Variants in RGS13 observed in about 807,000 individuals in gnomAD.
RGS13 encodes regulator of G-protein signalling 13.
Under a neutral mutation model 19.9 loss-of-function variants are expected in RGS13, and 14 were observed. That is an observed-to-expected ratio of 0.70 (90% CI 0.46 to 1.10). The LOEUF is 1.10. RGS13 is among the 50% of genes least tolerant of loss of function. RGS13 has a pLI of 0.00. For synonymous variants in RGS13, 60 were observed against 56.8 expected, an observed-to-expected ratio of 1.06 and a Z score of -0.25; for missense variants, 205 against 187.1, an observed-to-expected ratio of 1.10 and a Z score of -0.56.
intron 5 of RGS13, among the ~76,000 whole-genome samples, chr1:192,651,846 A>G (rs1301188248): frequency 6.6e-6 from 1 of 152,072 alleles, no homozygotes; most frequent in Non-Finnish European, 1.5e-5. Context: ...TTTTAACATA[A>G]CAACGGAGGA....
chr1:192,651,026 G>A (rs1048728458), intron 5 of RGS13, among the ~76,000 whole-genome samples: 12 of 152,034 alleles, frequency 7.9e-5, no homozygotes, highest in African/African-American at 2.9e-4. Flanking sequence ...TGAGACCACT[G>A]AGAGGGAGAG....
At chr1:192,650,120 T>C (rs6428129) in intron 5 of RGS13, among the ~76,000 whole-genome samples, 1 of 151,912 alleles carries the variant, frequency 6.6e-6, no homozygotes, top group Admixed American at 6.6e-5. Flanking sequence ...GAAGCCTTAT[T>C]AAAAAAATGA....
At chr1:192,655,519 C>T (rs1048633552) in intron 5 of RGS13, among the ~76,000 whole-genome samples, 13 of 152,038 alleles carry the variant, frequency 8.6e-5, no homozygotes, top group Non-Finnish European at 1.6e-4. Flanking sequence ...GGAAATAGAA[C>T]CACATGATAG....
chr1:192,658,659 G>A (rs896760835), intron 6 of RGS13: 2 of 268,148 alleles, frequency 7.5e-6, no homozygotes, highest in Non-Finnish European at 7.0e-6. Context: ...AAGAAAAAAA[G>A]GAGTCTGTGG....
In RGS13 at chr1:192,641,212, GAAAGAAAGAGAGAA is replaced by G. The variant is rs1440433175; in HGVS notation, c.-5+3011_-5+3024del. On this transcript the variant is annotated intron_variant, in intron 3 of 6. Coordinates refer to ENST00000391995, the MANE Select transcript of RGS13 (RefSeq NM_002927.5). ...GAAAAAAAAGAAAAAAGGAAAGAAA[GAAAGAAAGAGAGAA>G]AGAAAGAAAGAAAGAAAGAAAAGAA... Among the ~76,000 whole-genome samples, 6 of 90,428 alleles carry G rather than the reference GAAAGAAAGAGAGAA, an allele frequency of 6.6e-5. No individual in the cohort carries two copies. The East Asian group carries it at 1.1e-3, about 17-fold the overall frequency. 59.3% of individuals were successfully genotyped at this position (90,428 alleles called of 152,430 possible). A position where few individuals can be genotyped will look rare whatever the true frequency, so the allele number is the denominator to read the frequency against.
Position 192,659,511 on chromosome 1 carries a change from C to T in RGS13, c.468C>T (p.Asn156=), listed in dbSNP as rs761851450. The T allele has an allele frequency of 4.4e-6, 7 of 1,608,258 alleles. No individual in the cohort carries two copies. The highest frequency in any genetic ancestry group is 5.9e-6 in the Non-Finnish European group (7 of 1,177,656). Reference sequence around the variant, plus strand: ...AACTTTTGAAAACTATGCAGTCCAACAACAGTTTCTGACTACAACTCAAAA... The same window carrying T: ...AACTTTTGAAAACTATGCAGTCCAATAACAGTTTCTGACTACAACTCAAAA... ...YQKLLKTMQS[N]NSF The change falls in exon 7 of 7, where the codon AAC becomes AAT. Residue 156 remains asparagine, a synonymous_variant. Transcript: ENST00000391995.
At chr1:192,642,145 T>C (rs12046619) in intron 3 of RGS13, among the ~76,000 whole-genome samples, 5,037 of 152,244 alleles carry the variant, frequency 0.033, 217 homozygotes, top group East Asian at 0.11. Flanking sequence ...GTGAAATCCA[T>C]GGCCTGTGTG....
At chr1:192,654,055 A>G (rs1247446501) in intron 5 of RGS13, among the ~76,000 whole-genome samples, 1 of 152,030 alleles carries the variant, frequency 6.6e-6, no homozygotes, top group Non-Finnish European at 1.5e-5. Context: ...TACATATGTA[A>G]CAAACCTGCA....
chr1:192,639,917 C>T (rs1663077433), intron 3 of RGS13, among the ~76,000 whole-genome samples: 1 of 152,170 alleles, frequency 6.6e-6, no homozygotes, highest in Non-Finnish European at 1.5e-5. Context: ...TAAGACCATT[C>T]TGCTTTTGCC....
intron 3 of RGS13, among the ~76,000 whole-genome samples, chr1:192,639,274 A>C (rs553662315): frequency 7.9e-5 from 12 of 152,118 alleles, no homozygotes; most frequent in African/African-American, 2.9e-4. Context: ...AATTGCATTT[A>C]AAGGGAAGCT....
At chr1:192,646,056 T>C (rs905100676) in intron 4 of RGS13, 3 of 152,194 alleles carry the variant, frequency 2.0e-5, no homozygotes, top group African/African-American at 7.2e-5. Flanking sequence ...GGTTACTTTT[T>C]CTAAAGTTTT....
rs1553257010 is a variant in RGS13 at position 192,641,254 on chromosome 1, A to AAAGAAAGAAAG, written c.-5+3053_-5+3054insGAAAGAAAGAA. Among the ~76,000 whole-genome samples the AAAGAAAGAAAG allele has an allele frequency of 8.3e-3, 557 of 67,310 alleles. 5 individuals carry two copies. Among genetic ancestry groups the AAAGAAAGAAAG allele is most frequent in the South Asian group, 0.01 (18 of 1,748 alleles). 44.2% of individuals were successfully genotyped at this position (67,310 alleles called of 152,430 possible). On this transcript the variant is annotated intron_variant, in intron 3 of 6. Coordinates refer to ENST00000391995, the MANE Select transcript of RGS13 (RefSeq NM_002927.5). ...AAAGAAAGAAAGAAAGAAAAGAAAG[A>AAAGAAAGAAAG]AAAGAAAGAAAGAAAGAAAGAAAGA...
chr1:192,651,336 G>A (rs534484411), intron 5 of RGS13, among the ~76,000 whole-genome samples: 1 of 152,168 alleles, frequency 6.6e-6, no homozygotes, highest in East Asian at 1.9e-4. Context: ...GTGGAGATAG[G>A]TAAAACCAGA....
At chr1:192,658,492 T>C in intron 6 of RGS13, 125 bp downstream of exon 6, 6 of 845,048 alleles carry the variant, frequency 7.1e-6, no homozygotes, top group Non-Finnish European at 1.1e-5. Context: ...ATAAATTCAG[T>C]ATTGCTAACC....
intron 4 of RGS13, chr1:192,645,927 T>C (rs138950899): frequency 1.2e-4 from 19 of 152,284 alleles, no homozygotes; most frequent in African/African-American, 4.3e-4. Flanking sequence ...CATTGATGAC[T>C]CTTCACTCGT....
intron 3 of RGS13, among the ~76,000 whole-genome samples, chr1:192,643,815 G>A (rs1663167749): frequency 1.3e-5 from 2 of 152,062 alleles, no homozygotes; most frequent in Non-Finnish European, 1.5e-5. Flanking sequence ...AGCCAGTCAT[G>A]GTGGCGCATG....
intron 5 of RGS13, 46 bp downstream of exon 5, chr1:192,648,033 T>C (rs1203590766): frequency 1.5e-6 from 2 of 1,358,554 alleles, no homozygotes; most frequent in South Asian, 2.6e-5. Flanking sequence ...GCGAGTTCCA[T>C]TCTTAGAGGT....
rs1219793919 is a variant in RGS13 at position 192,659,518 on chromosome 1, T to C, written c.475T>C (p.Phe159Leu). The change falls in exon 7 of 7, where the codon TTC becomes CTC. Residue 159 changes from phenylalanine (F) to leucine (L), a missense_variant. Coordinates refer to ENST00000391995, the MANE Select transcript of RGS13 (RefSeq NM_002927.5). ...LLKTMQSNNS[F>L] ...GAAAACTATGCAGTCCAACAACAGT[T>C]TCTGACTACAACTCAAAAGTTTAAA... is the stretch of plus-strand genomic sequence containing the variant. The C allele has an allele frequency of 2.5e-6, 4 of 1,605,332 alleles. No homozygotes were observed. The African/African-American group carries it at 5.4e-5, about 22-fold the overall frequency.
chr1:192,660,220 A>G lies in RGS13; in HGVS notation c.*697A>G, dbSNP rs1663599714. 6.6e-6 allele frequency: 1 copy of G among 152,172 alleles called. No individual in the cohort carries two copies. 9.4% of individuals were successfully genotyped at this position (152,172 alleles called of 1,614,324 possible). A position where few individuals can be genotyped will look rare whatever the true frequency, so the allele number is the denominator to read the frequency against. ...TGTTTTTTCCTTACAATGTGAACTC[A>G]TCGTGATCTTGGAAATCAATAAAGT... On this transcript the variant is annotated 3_prime_UTR_variant, in exon 7 of 7. Coordinates refer to ENST00000391995, the MANE Select transcript of RGS13 (RefSeq NM_002927.5).
Sources: allele counts gnomAD v4.1 joint callset (sites outside exome capture counted in the v4.1 genomes callset), GRCh38; gene constraint gnomAD v4.1.1; transcripts MANE v1.5; gene names NCBI Gene and HGNC (gene_info 2026-07-23, HGNC 2026-07-21).